The following PDGFD variants were observed in gnomAD, a reference collection of about 807,000 sequenced individuals.
PDGFD encodes the protein platelet-derived growth factor D.
In PDGFD, 30 loss-of-function variants were observed where a neutral mutation model predicts 44.7. That is an observed-to-expected ratio of 0.67 (90% CI 0.50 to 0.91). The LOEUF (loss-of-function observed/expected upper bound fraction) is 0.91, where lower values mean the gene tolerates loss of function less well. Ranked by LOEUF, PDGFD falls within the 40% of genes least tolerant of loss-of-function variation. PDGFD has a pLI of 0.00. For synonymous variants in PDGFD, 173 were observed against 168.4 expected (o/e 1.03, Z -0.21); for missense variants, 445 against 457.8 (o/e 0.97, Z 0.25).
intron 1 of PDGFD, among the ~76,000 whole-genome samples, chr11:104,148,317 T>A (rs781295110): frequency 1.1e-4 from 16 of 152,184 alleles, no homozygotes; most frequent in Non-Finnish European, 1.9e-4. Flanking sequence ...TAATTTTTTA[T>A]GTTGGAAATA....
intron 1 of PDGFD, among the ~76,000 whole-genome samples, chr11:104,058,773 T>C (rs991156789): frequency 1.3e-5 from 2 of 151,832 alleles, no homozygotes; most frequent in African/African-American, 4.8e-5. Flanking sequence ...ATTACAGGAG[T>C]TTCATATGAT....
At chr11:104,153,527 G>C (rs907554428) in intron 1 of PDGFD, among the ~76,000 whole-genome samples, 1 of 152,128 alleles carries the variant, frequency 6.6e-6, no homozygotes, top group Admixed American at 6.6e-5. Flanking sequence ...AGGCTACACA[G>C]AGTGGTGCAA....
chr11:104,101,995 A>G (rs1861390856), intron 1 of PDGFD, among the ~76,000 whole-genome samples: 1 of 152,120 alleles, frequency 6.6e-6, no homozygotes. Context: ...CCTAGGCAAT[A>G]CCATTCAGGA....
intron 1 of PDGFD, among the ~76,000 whole-genome samples, chr11:104,117,571 T>A (rs1315318334): frequency 6.6e-6 from 1 of 151,782 alleles, no homozygotes; most frequent in Non-Finnish European, 1.5e-5. Flanking sequence ...AATTAGTAGC[T>A]CTTCTATACA....
intron 6 of PDGFD, among the ~76,000 whole-genome samples, chr11:103,910,437 C>T (rs1858009607): frequency 6.6e-6 from 1 of 152,162 alleles, no homozygotes; most frequent in Non-Finnish European, 1.5e-5. Context: ...TTGGGTGCAG[C>T]CCACGGAAGG....
chr11:103,960,499 T>C (rs575661677), intron 3 of PDGFD, among the ~76,000 whole-genome samples: 1 of 152,320 alleles, frequency 6.6e-6, no homozygotes, highest in East Asian at 1.9e-4. Flanking sequence ...ACTGAGATTT[T>C]TGAATGACCA....
intron 5 of PDGFD, among the ~76,000 whole-genome samples, chr11:103,932,069 A>T (rs146811583): frequency 2.2e-4 from 34 of 152,250 alleles, no homozygotes; most frequent in African/African-American, 6.3e-4. Context: ...TACATCTCCT[A>T]TGACTCCTTC....
At chr11:104,163,748 A>G (rs201708163) in intron 1 of PDGFD, 56 bp downstream of exon 1, 21 of 1,471,648 alleles carry the variant, frequency 1.4e-5, no homozygotes, top group Non-Finnish European at 1.9e-5. Flanking sequence ...AGAAAGAACA[A>G]TAACAATAGC....
In PDGFD at chr11:104,065,302, C is replaced by A. The variant is rs117455584; in HGVS notation, c.125-65047G>T. 2.3e-4 allele frequency among the ~76,000 whole-genome samples: 35 copies of A among 152,220 alleles called. No individual in the cohort carries two copies. The East Asian group carries it at 6.6e-3, about 29-fold the overall frequency. On this transcript the variant is annotated intron_variant, in intron 1 of 6. Coordinates refer to ENST00000393158, the MANE Select transcript of PDGFD (RefSeq NM_025208.5). ...CTATTATTTCTGTCCCTTTAGAGAA[C>A]CCTAATATAACTACTATTTCTATTC...
intron 3 of PDGFD, among the ~76,000 whole-genome samples, chr11:103,990,467 G>A (rs1682831204): frequency 6.6e-6 from 1 of 152,160 alleles, no homozygotes; most frequent in African/African-American, 2.4e-5. Context: ...AGGTTTGAAT[G>A]TTTCTATGTA....
At chr11:104,148,942 A>G (rs976520286) in intron 1 of PDGFD, among the ~76,000 whole-genome samples, 2 of 152,186 alleles carry the variant, frequency 1.3e-5, no homozygotes, top group African/African-American at 2.4e-5. Flanking sequence ...ATGGCTCCAT[A>G]GCATTCCATG....
At chr11:104,136,408 A>G (rs1434617039) in intron 1 of PDGFD, among the ~76,000 whole-genome samples, 3 of 152,206 alleles carry the variant, frequency 2.0e-5, no homozygotes, top group East Asian at 3.8e-4. Flanking sequence ...TAAAAAGATA[A>G]TAAGTAATGT....
chr11:103,935,444 A>T lies in PDGFD; in HGVS notation c.772+8008T>A, dbSNP rs543286691. Among the ~76,000 whole-genome samples the T allele has an allele frequency of 9.8e-5, 15 of 152,340 alleles. No individual in the cohort carries two copies. The South Asian group carries it at 1.0e-3, about 11-fold the overall frequency. On this transcript the variant is annotated intron_variant, in intron 5 of 6. Transcript: ENST00000393158. ...TAGATACTTACAAATCATATGAGTCATAAACAGTGGCAAAAGTCTCTAAAA... is the reference window on the plus strand; with the variant it reads ...TAGATACTTACAAATCATATGAGTCTTAAACAGTGGCAAAAGTCTCTAAAA...
intron 3 of PDGFD, among the ~76,000 whole-genome samples, chr11:103,967,800 T>G (rs1859044033): frequency 6.6e-6 from 1 of 152,202 alleles, no homozygotes; most frequent in South Asian, 2.1e-4. Context: ...TTGCAATCTC[T>G]TTAAAACTGT....
intron 1 of PDGFD, among the ~76,000 whole-genome samples, chr11:104,091,432 G>T (rs1861211692): frequency 6.6e-6 from 1 of 152,126 alleles, no homozygotes; most frequent in East Asian, 1.9e-4. Context: ...ACCAGATAGA[G>T]CTACTGGATC....
At chr11:103,996,815 A>C (rs192478674) in intron 2 of PDGFD, among the ~76,000 whole-genome samples, 3 of 152,232 alleles carry the variant, frequency 2.0e-5, no homozygotes, top group South Asian at 2.1e-4. Context: ...TATGAAACTT[A>C]TCATGAAGGA....
intron 1 of PDGFD, among the ~76,000 whole-genome samples, chr11:104,053,218 GT>G (rs1860569097): frequency 6.6e-6 from 1 of 152,088 alleles, no homozygotes; most frequent in African/African-American, 2.4e-5. Flanking sequence ...TATCACAAGA[GT>G]TTTTAGAGAG....
At chr11:103,972,599 TAGAG>T (rs1200898535) in intron 3 of PDGFD, among the ~76,000 whole-genome samples, 5 of 152,228 alleles carry the variant, frequency 3.3e-5, no homozygotes, top group Middle Eastern at 6.8e-3. Flanking sequence ...ACAAGAAACA[TAGAG>T]AGGCTGATGC....
chr11:104,013,380 G>A (rs138890068), intron 1 of PDGFD, among the ~76,000 whole-genome samples: 1 of 152,230 alleles, frequency 6.6e-6, no homozygotes, highest in East Asian at 1.9e-4. Flanking sequence ...TTAACGCTTA[G>A]CCATCCGTGG....
Sources: allele counts gnomAD v4.1 joint callset (sites outside exome capture counted in the v4.1 genomes callset), GRCh38; gene constraint gnomAD v4.1.1; transcripts MANE v1.5; gene names NCBI Gene and HGNC (gene_info 2026-07-23, HGNC 2026-07-21).